ENKUR: variants seen among roughly 807,000 people sequenced by gnomAD.
The protein encoded by ENKUR is enkurin.
Under a neutral mutation model 27.6 loss-of-function variants are expected in ENKUR, and 19 were observed. The observed-to-expected ratio is 0.69, with a 90% CI of 0.48 to 1.01. The LOEUF is 1.01. Ranked by LOEUF, ENKUR falls within the 50% of genes least tolerant of loss-of-function variation. The pLI, the probability that ENKUR is intolerant of heterozygous loss-of-function variation, is 0.00. For missense variants in ENKUR, 312 were observed against 310.5 expected, an observed-to-expected ratio of 1.00 and a Z score of -0.04; for synonymous variants, 117 against 96.9, an observed-to-expected ratio of 1.21 and a Z score of -1.22.
At chr10:25,020,470 G>C (rs1044703860), upstream of ENKUR, among the ~76,000 whole-genome samples, 8 of 152,094 alleles carry the variant, frequency 5.3e-5, 1 homozygote, top group African/African-American at 1.9e-4. Flanking sequence ...CGGAAGAAAA[G>C]ATGAAAGATT....
chr10:25,018,895 T>A (rs1416098877), upstream of ENKUR, among the ~76,000 whole-genome samples: 1 of 152,156 alleles, frequency 6.6e-6, no homozygotes, highest in Non-Finnish European at 1.5e-5. Context: ...TAGTCAGCTT[T>A]GATAGTAATA....
intron 1 of ENKUR, among the ~76,000 whole-genome samples, chr10:25,001,217 T>C (rs1411307740): frequency 6.6e-6 from 1 of 152,098 alleles, no homozygotes; most frequent in Non-Finnish European, 1.5e-5. Flanking sequence ...AGGACATTTT[T>C]AAACTTCTGG....
intron 2 of ENKUR, among the ~76,000 whole-genome samples, chr10:25,027,491 T>G (rs1404966275): frequency 6.7e-6 from 1 of 148,624 alleles, no homozygotes; most frequent in Non-Finnish European, 1.5e-5. Flanking sequence ...TGAGCAGAGA[T>G]TGCGCCGTTG....
At chr10:25,054,379 G>A (rs182407485) in intron 2 of ENKUR, among the ~76,000 whole-genome samples, 37 of 152,262 alleles carry the variant, frequency 2.4e-4, no homozygotes, top group African/African-American at 7.0e-4. Context: ...CGGAGATCAC[G>A]CCATTGCATT....
At chr10:25,024,829 C>T (rs1264239541) in intron 2 of ENKUR, 1 of 1,614,150 alleles carries the variant, frequency 6.2e-7, no homozygotes, top group Admixed American at 1.7e-5. Context: ...TGCCTCTAAT[C>T]AGAACCATGT....
At chr10:25,001,285 T>G (rs1850184339) in intron 1 of ENKUR, among the ~76,000 whole-genome samples, 1 of 151,834 alleles carries the variant, frequency 6.6e-6, no homozygotes, top group Non-Finnish European at 1.5e-5. Context: ...TCTATATAAT[T>G]TTTCTTTTTT....
intron 2 of ENKUR, chr10:25,025,438 C>T: frequency 6.2e-7 from 1 of 1,602,824 alleles, no homozygotes; most frequent in Non-Finnish European, 8.5e-7. Flanking sequence ...ACAACTTGTC[C>T]AAAATCAATT....
chr10:24,992,365 C>T (rs879600086), intron 3 of ENKUR, among the ~76,000 whole-genome samples: 8 of 152,042 alleles, frequency 5.3e-5, no homozygotes, highest in Non-Finnish European at 1.0e-4. Context: ...AGGAACTCTC[C>T]GAAGAAGCAG....
chr10:24,982,101 AT>A lies in ENKUR; in HGVS notation c.*2268del, dbSNP rs1849680676. 1 of 152,212 alleles carries A rather than the reference AT, an allele frequency of 6.6e-6. No individual in the cohort carries two copies. The highest frequency in any genetic ancestry group is 2.1e-4 in the South Asian group (1 of 4,828). 9.4% of individuals were successfully genotyped at this position (152,212 alleles called of 1,614,324 possible). A position where few individuals can be genotyped will look rare whatever the true frequency, so the allele number is the denominator to read the frequency against. ...AAATGTATACAGTGTCTTCTCCCCC[AT>A]AAGCTTGAAATGTTCATGGAAAACA... is the stretch of plus-strand genomic sequence containing the variant. On this transcript the variant is annotated 3_prime_UTR_variant, in exon 6 of 6. Coordinates refer to ENST00000331161, the MANE Select transcript of ENKUR (RefSeq NM_145010.4).
intron 1 of ENKUR, among the ~76,000 whole-genome samples, chr10:25,000,835 T>C (rs1265065739): frequency 2.6e-5 from 4 of 152,134 alleles, no homozygotes. Context: ...CATATCCCCT[T>C]GCTCATTCTA....
intron 4 of ENKUR, among the ~76,000 whole-genome samples, chr10:24,987,507 G>A (rs1221977580): frequency 6.6e-6 from 1 of 152,114 alleles, no homozygotes; most frequent in Non-Finnish European, 1.5e-5. Flanking sequence ...AAATCAGCCA[G>A]GCATGGTGGT....
chr10:25,057,550 T>A (rs1484933100), intron 2 of ENKUR, among the ~76,000 whole-genome samples: 1 of 152,128 alleles, frequency 6.6e-6, no homozygotes, highest in Admixed American at 6.5e-5. Context: ...ATTAATTGGC[T>A]CCATAATGTT....
At chr10:25,033,945 A>G (rs983613555) in intron 2 of ENKUR, among the ~76,000 whole-genome samples, 1 of 152,164 alleles carries the variant, frequency 6.6e-6, no homozygotes, top group African/African-American at 2.4e-5. Context: ...GTATTAAAAT[A>G]AATGAGCAAG....
chr10:25,032,266 A>G (rs1257384663), intron 2 of ENKUR, among the ~76,000 whole-genome samples: 1 of 146,694 alleles, frequency 6.8e-6, no homozygotes, highest in Non-Finnish European at 1.5e-5. Flanking sequence ...TAGCCTCTTT[A>G]GGCTTCCTGG....
intron 1 of ENKUR, among the ~76,000 whole-genome samples, chr10:25,015,588 A>T (rs118111679): frequency 0.03 from 4,593 of 152,274 alleles, 93 homozygotes; most frequent in Non-Finnish European, 0.045. Flanking sequence ...TAATTAAATT[A>T]CACAATAATC....
chr10:25,061,397 TG>T (rs1230149455), intron 1 of ENKUR: 2 of 454,072 alleles, frequency 4.4e-6, no homozygotes, highest in South Asian at 3.9e-5. Flanking sequence ...AGTGCACAGA[TG>T]GCAAGGTGGA....
At chr10:25,001,137 G>T (rs755922916) in intron 1 of ENKUR, among the ~76,000 whole-genome samples, 6 of 151,468 alleles carry the variant, frequency 4.0e-5, no homozygotes, top group African/African-American at 1.5e-4. Context: ...CCATATATTT[G>T]CCATTTCCAG....
chr10:24,988,367 T>C (rs1279300878), intron 4 of ENKUR, among the ~76,000 whole-genome samples: 1 of 143,418 alleles, frequency 7.0e-6, no homozygotes, highest in Non-Finnish European at 1.5e-5. Context: ...TGTATATATA[T>C]TTATATATGT....
chr10:25,032,735 T>C (rs1850951210), intron 2 of ENKUR, among the ~76,000 whole-genome samples: 1 of 152,174 alleles, frequency 6.6e-6, no homozygotes, highest in Non-Finnish European at 1.5e-5. Context: ...TTATGTGTTT[T>C]CTGGCCTCCA....
Sources: gnomAD v4.1 joint callset for allele counts (sites outside exome capture counted in the v4.1 genomes callset) on GRCh38, gnomAD v4.1.1 for gene constraint, MANE v1.5 for transcripts, NCBI Gene and HGNC (gene_info 2026-07-23, HGNC 2026-07-21) for gene names.